Variants in MTUS2 observed in about 807,000 individuals in gnomAD.
MTUS2 encodes microtubule-associated tumor suppressor candidate 2.
MTUS2 carries 40 observed loss-of-function variants against 114.1 expected under a neutral mutation model. The ratio of observed to expected loss-of-function variants is 0.35; its 90% CI spans 0.27 to 0.46. The LOEUF (loss-of-function observed/expected upper bound fraction) is 0.46, where lower values mean the gene tolerates loss of function less well. MTUS2 is among the 20% of genes least tolerant of loss of function. MTUS2 has a pLI of 1.00. For missense variants in MTUS2, 1,679 were observed against 1,705.4 expected (o/e 0.98, Z 0.27); for synonymous variants, 688 against 672.0 (o/e 1.02, Z -0.37).
Position 29,025,967 on chromosome 13 carries a change from T to C in MTUS2, c.1269T>C (p.Gly423=), listed in dbSNP as rs1182080455. Residue 423 remains glycine (G), a synonymous_variant, in exon 3 of 16, where the codon GGT becomes GGC. Transcript: ENST00000612955. ...KISPCAGEKL[G]ERTSSSFSPG... is the part of the protein sequence containing the mutation. ...CACCATGTGCAGGTGAGAAGTTGGG[T>C]GAAAGGACATCCAGCAGCTTTTCAC... 1 of 1,613,972 alleles carries C rather than the reference T, an allele frequency of 6.2e-7. No homozygotes were observed. Among genetic ancestry groups the C allele is most frequent in the Non-Finnish European group, 8.5e-7 (1 of 1,179,874 alleles).
At chr13:28,962,143 A>AT (rs1433828692) in intron 2 of MTUS2, among the ~76,000 whole-genome samples, 1 of 151,846 alleles carries the variant, frequency 6.6e-6, no homozygotes, top group Admixed American at 6.6e-5. Context: ...TTTTTCAGAT[A>AT]TTTTTAACAA....
chr13:28,844,985 TC>T (rs1396088361), intron 2 of MTUS2, among the ~76,000 whole-genome samples: 5 of 152,200 alleles, frequency 3.3e-5, no homozygotes, highest in African/African-American at 1.2e-4. Flanking sequence ...AGACAGGATT[TC>T]ACCTTATCAC....
At chr13:29,357,633 G>A (rs761497725) in intron 7 of MTUS2, among the ~76,000 whole-genome samples, 9 of 152,162 alleles carry the variant, frequency 5.9e-5, no homozygotes, top group Non-Finnish European at 8.8e-5. Flanking sequence ...TTTGTTTTCA[G>A]CACTGAGAAT....
At chr13:28,854,091 G>C (rs995472501) in intron 2 of MTUS2, among the ~76,000 whole-genome samples, 1 of 152,182 alleles carries the variant, frequency 6.6e-6, no homozygotes, top group East Asian at 1.9e-4. Flanking sequence ...TATTCAAAGC[G>C]TGGTCTGCAA....
chr13:28,924,312 A>G (rs1881209522), intron 2 of MTUS2, among the ~76,000 whole-genome samples: 3 of 152,160 alleles, frequency 2.0e-5, no homozygotes, highest in Non-Finnish European at 2.9e-5. Flanking sequence ...GAGCAGGGAA[A>G]AGTGAGTCTG....
At chr13:29,385,605 A>C (rs1011396891) in intron 8 of MTUS2, among the ~76,000 whole-genome samples, 1 of 150,366 alleles carries the variant, frequency 6.7e-6, no homozygotes, top group Non-Finnish European at 1.5e-5. Context: ...TCTCTAATGC[A>C]AGTTTGCCTG....
intron 5 of MTUS2, among the ~76,000 whole-genome samples, chr13:29,182,624 G>A (rs766613154): frequency 9.2e-5 from 14 of 152,144 alleles, no homozygotes; most frequent in Non-Finnish European, 1.3e-4. Flanking sequence ...AGGAAAAAAC[G>A]TTTGCCTTTG....
intron 5 of MTUS2, among the ~76,000 whole-genome samples, chr13:29,199,897 G>A (rs1293980389): frequency 1.3e-5 from 2 of 152,032 alleles, no homozygotes; most frequent in Non-Finnish European, 2.9e-5. Context: ...TCGGGGATTT[G>A]ACTTCTTCCT....
intron 4 of MTUS2, among the ~76,000 whole-genome samples, chr13:29,091,937 A>G (rs1210637444): frequency 6.6e-6 from 1 of 152,210 alleles, no homozygotes; most frequent in African/African-American, 2.4e-5. Context: ...TAACAAGCCA[A>G]AGCCTGAGGA....
At chr13:29,256,660 T>C (rs1289813690) in intron 5 of MTUS2, among the ~76,000 whole-genome samples, 1 of 152,270 alleles carries the variant, frequency 6.6e-6, no homozygotes, top group Non-Finnish European at 1.5e-5. Context: ...TTAATTCTAA[T>C]GTTTGAGAGT....
chr13:28,922,895 A>G (rs921281127), intron 2 of MTUS2, among the ~76,000 whole-genome samples: 4 of 152,172 alleles, frequency 2.6e-5, no homozygotes, highest in Admixed American at 6.5e-5. Flanking sequence ...CTATTCGGCC[A>G]TCTTGCTCTG....
In MTUS2 at chr13:28,996,659, C is replaced by A. The variant is rs930515533; in HGVS notation, c.-242-27798C>A. 2.0e-5 allele frequency among the ~76,000 whole-genome samples: 3 copies of A among 152,278 alleles called. No individual in the cohort carries two copies. In the East Asian group the frequency reaches 5.8e-4, roughly 29 times the overall value. On this transcript the variant is annotated intron_variant, in intron 2 of 15. Coordinates refer to ENST00000612955, the MANE Select transcript of MTUS2 (RefSeq NM_001033602.4). ...TATGTGTCAAGGAATTTATCCATTT[C>A]TTCTAGATTTTCTAGTTTATTTGCA...
intron 5 of MTUS2, among the ~76,000 whole-genome samples, chr13:29,141,899 G>T (rs564389496): frequency 6.9e-5 from 10 of 145,092 alleles, no homozygotes; most frequent in African/African-American, 2.1e-4. Flanking sequence ...TCACGCTGTT[G>T]CCCAGGCTGG....
chr13:29,148,333 G>GCT (rs1892521719), intron 5 of MTUS2, among the ~76,000 whole-genome samples: 1 of 151,838 alleles, frequency 6.6e-6, no homozygotes, highest in African/African-American at 2.4e-5. Context: ...GCATCCATTA[G>GCT]CTGTTCTTCC....
At chr13:29,177,184 T>A (rs1416710492) in intron 5 of MTUS2, among the ~76,000 whole-genome samples, 1 of 150,914 alleles carries the variant, frequency 6.6e-6, no homozygotes. Flanking sequence ...AAGCATACAG[T>A]GGAGCAGGCA....
chr13:29,242,525 A>G (rs1221020378), intron 5 of MTUS2: 7 of 159,130 alleles, frequency 4.4e-5, no homozygotes, highest in Admixed American at 3.9e-4. Flanking sequence ...AAAACACTGT[A>G]TACCTTATTA....
At chr13:28,959,508 A>G (rs1883224505) in intron 2 of MTUS2, among the ~76,000 whole-genome samples, 2 of 147,184 alleles carry the variant, frequency 1.4e-5, no homozygotes. Context: ...AGAGGTTTGT[A>G]TGGCTCATGG....
intron 5 of MTUS2, among the ~76,000 whole-genome samples, chr13:29,206,723 G>A (rs1278365563): frequency 6.6e-6 from 1 of 151,926 alleles, no homozygotes; most frequent in African/African-American, 2.4e-5. Flanking sequence ...ACTGTAGGTA[G>A]TAGGCTTTAT....
intron 5 of MTUS2, among the ~76,000 whole-genome samples, chr13:29,187,659 A>G (rs900801171): frequency 2.6e-5 from 4 of 152,126 alleles, no homozygotes; most frequent in Admixed American, 6.6e-5. Flanking sequence ...TTTATTTGTC[A>G]TTTATCATTT....
Sources: allele counts gnomAD v4.1 joint callset (sites outside exome capture counted in the v4.1 genomes callset), GRCh38; gene constraint gnomAD v4.1.1; transcripts MANE v1.5; gene names NCBI Gene and HGNC (gene_info 2026-07-23, HGNC 2026-07-21).